The following CNTLN variants were observed in gnomAD, a reference collection of about 807,000 sequenced individuals.
CNTLN encodes centlein, also known as centlein, centrosomal protein.
Under a neutral mutation model 180.0 loss-of-function variants are expected in CNTLN, and 212 were observed. The observed-to-expected ratio is 1.18, with a 90% CI of 1.05 to 1.32. The LOEUF (loss-of-function observed/expected upper bound fraction) is 1.32, where lower values mean the gene tolerates loss of function less well. Ranked by LOEUF, CNTLN falls within the 40% of genes most tolerant of loss-of-function variation. CNTLN has a pLI of 0.00. For synonymous variants in CNTLN, 722 were observed against 563.1 expected, an observed-to-expected ratio of 1.28 and a Z score of -3.99; for missense variants, 2,095 against 1,610.9, an observed-to-expected ratio of 1.30 and a Z score of -5.14.
chr9:17,357,125 G>A (rs1822910154), intron 12 of CNTLN, among the ~76,000 whole-genome samples: 1 of 152,054 alleles, frequency 6.6e-6, no homozygotes, highest in African/African-American at 2.4e-5. Flanking sequence ...TTTTTTGTAT[G>A]TGGATTATTT....
intron 2 of CNTLN, among the ~76,000 whole-genome samples, chr9:17,207,701 T>C (rs1029099428): frequency 6.6e-6 from 1 of 151,854 alleles, no homozygotes; most frequent in Non-Finnish European, 1.5e-5. Context: ...TGAGATGAAC[T>C]GGGTCCCTCA....
rs544712221 is a variant in CNTLN, at chr9:17,197,995, C to A, written c.450-28208C>A. Among the ~76,000 whole-genome samples the A allele has an allele frequency of 1.4e-4, 21 of 152,198 alleles. 1 individual carries two copies. The highest frequency in any genetic ancestry group is 4.6e-4 in the African/African-American group (19 of 41,532). On this transcript the variant is annotated intron_variant, in intron 2 of 25. Coordinates refer to ENST00000380647, the MANE Select transcript of CNTLN (RefSeq NM_017738.4). ...CAGTACCATTTATTGAAGAGACTCTCCTTTCCCCAATGTATATTCTTGGTG... is the reference window on the plus strand; with the variant it reads ...CAGTACCATTTATTGAAGAGACTCTACTTTCCCCAATGTATATTCTTGGTG...
intron 5 of CNTLN, among the ~76,000 whole-genome samples, chr9:17,248,294 A>G (rs149322718): frequency 6.6e-6 from 1 of 152,056 alleles, no homozygotes; most frequent in African/African-American, 2.4e-5. Flanking sequence ...AGTTGTTATA[A>G]CAGTTTTAGA....
rs114479955 is a variant in CNTLN at position 17,176,770 on chromosome 9, G to A, written c.449+33394G>A. On this transcript the variant is annotated intron_variant, in intron 2 of 25. Coordinates refer to ENST00000380647, the MANE Select transcript of CNTLN (RefSeq NM_017738.4). Reference sequence around the variant, plus strand: ...AATTCGCTTTCCTTAATAGTTATAGGATTGTTCAGTTATCTATTTCATGTT... The same window carrying A: ...AATTCGCTTTCCTTAATAGTTATAGAATTGTTCAGTTATCTATTTCATGTT... 5.2e-3 allele frequency among the ~76,000 whole-genome samples: 798 copies of A among 152,282 alleles called. 5 individuals carry two copies. Among genetic ancestry groups the A allele is most frequent in the African/African-American group, 0.018 (768 of 41,554 alleles).
chr9:17,156,998 C>A (rs1300015942), intron 2 of CNTLN, among the ~76,000 whole-genome samples: 1 of 152,154 alleles, frequency 6.6e-6, no homozygotes, highest in East Asian at 1.9e-4. Context: ...TAGAAAGATA[C>A]TGGAGGCTGA....
At chr9:17,184,792 T>A (rs987852910) in intron 2 of CNTLN, among the ~76,000 whole-genome samples, 4 of 152,168 alleles carry the variant, frequency 2.6e-5, no homozygotes, top group Non-Finnish European at 5.9e-5. Context: ...AATGAACACG[T>A]CTTTATTCAA....
intron 25 of CNTLN, among the ~76,000 whole-genome samples, chr9:17,496,218 C>A (rs1833448748): frequency 6.6e-6 from 1 of 152,176 alleles, no homozygotes; most frequent in African/African-American, 2.4e-5. Flanking sequence ...CCTTCCCCAT[C>A]CCTTTATTTT....
At chr9:17,412,818 G>A (rs573466377) in intron 16 of CNTLN, among the ~76,000 whole-genome samples, 4 of 152,230 alleles carry the variant, frequency 2.6e-5, no homozygotes, top group African/African-American at 9.6e-5. Context: ...GTATATTAAA[G>A]TTGCTGCCAT....
intron 2 of CNTLN, among the ~76,000 whole-genome samples, chr9:17,216,936 T>G (rs1823799476): frequency 6.6e-6 from 1 of 152,236 alleles, no homozygotes; most frequent in Admixed American, 6.5e-5. Context: ...GGCATAAATG[T>G]ATTTTTGCTG....
intron 18 of CNTLN, among the ~76,000 whole-genome samples, chr9:17,418,212 T>C (rs1261813235): frequency 6.6e-6 from 1 of 152,014 alleles, no homozygotes; most frequent in Non-Finnish European, 1.5e-5. Flanking sequence ...AATCAGAATT[T>C]AGAAATTTTC....
intron 5 of CNTLN, among the ~76,000 whole-genome samples, chr9:17,267,178 G>C (rs959252891): frequency 3.9e-5 from 6 of 151,982 alleles, no homozygotes; most frequent in Admixed American, 3.9e-4. Flanking sequence ...GGCTGGTACC[G>C]GTTGTTCCTT....
At chr9:17,305,304 A>G (rs1202000221) in intron 7 of CNTLN, among the ~76,000 whole-genome samples, 3 of 152,148 alleles carry the variant, frequency 2.0e-5, no homozygotes, top group African/African-American at 7.2e-5. Context: ...ATAATGTAAT[A>G]CGTGGTTACA....
intron 5 of CNTLN, among the ~76,000 whole-genome samples, chr9:17,244,936 A>T (rs1825715067): frequency 6.6e-6 from 1 of 152,174 alleles, no homozygotes. Context: ...AAACTAATAT[A>T]AACTCTAATC....
intron 25 of CNTLN, among the ~76,000 whole-genome samples, chr9:17,499,919 G>A (rs1423535715): frequency 1.3e-5 from 2 of 151,950 alleles, no homozygotes; most frequent in Non-Finnish European, 2.9e-5. Context: ...TTGTCAATTG[G>A]TTCATAGAAA....
intron 5 of CNTLN, among the ~76,000 whole-genome samples, chr9:17,240,911 TG>T (rs1825445424): frequency 6.6e-6 from 1 of 152,094 alleles, no homozygotes; most frequent in Non-Finnish European, 1.5e-5. Context: ...CAGGCTGGAG[TG>T]CAGTGGCAAG....
the CNTLN span, among the ~76,000 whole-genome samples, chr9:17,515,092 T>C: frequency 6.6e-6 from 1 of 152,238 alleles, no homozygotes; most frequent in Admixed American, 6.5e-5. Flanking sequence ...TCCTGACTTA[T>C]ATACAAATGG....
chr9:17,513,833 A>T, the CNTLN span, among the ~76,000 whole-genome samples: 1 of 152,252 alleles, frequency 6.6e-6, no homozygotes, highest in Non-Finnish European at 1.5e-5. Context: ...GATCTTTACA[A>T]TTAAACTAAC....
At chr9:17,375,447 C>T (rs1355020947) in intron 13 of CNTLN, among the ~76,000 whole-genome samples, 1 of 152,128 alleles carries the variant, frequency 6.6e-6, no homozygotes, top group Non-Finnish European at 1.5e-5. Context: ...GCCCCATTTA[C>T]CCTGATATGA....
At chr9:17,505,788 T>C (rs534333349), downstream of CNTLN, among the ~76,000 whole-genome samples, 3 of 152,138 alleles carry the variant, frequency 2.0e-5, no homozygotes, top group African/African-American at 7.2e-5. Context: ...TTCTAAAATG[T>C]ATATGGGAAC....
Sources: allele counts gnomAD v4.1 joint callset (sites outside exome capture counted in the v4.1 genomes callset), GRCh38; gene constraint gnomAD v4.1.1; transcripts MANE v1.5; gene names NCBI Gene and HGNC (gene_info 2026-07-23, HGNC 2026-07-21).